EXD3: variants seen among roughly 807,000 people sequenced by gnomAD.
EXD3 encodes exonuclease mut-7 homolog.
A neutral mutation model predicts 98.0 loss-of-function variants in EXD3; 92 were observed. The ratio of observed to expected loss-of-function variants is 0.94; its 90% CI spans 0.79 to 1.12. EXD3 has a LOEUF of 1.12. EXD3 is among the 50% of genes most tolerant of loss of function. The probability of loss-of-function intolerance (pLI) is 0.00; values close to 1 mark genes in which losing one functional copy is unlikely to be tolerated. For missense variants in EXD3, 1,222 were observed against 1,191.6 expected, an observed-to-expected ratio of 1.03 and a Z score of -0.38; for synonymous variants, 569 against 526.0, an observed-to-expected ratio of 1.08 and a Z score of -1.12.
chr9:137,366,941 C>T (rs1169830073), intron 6 of EXD3, among the ~76,000 whole-genome samples: 5 of 152,216 alleles, frequency 3.3e-5, no homozygotes, highest in East Asian at 1.9e-4. Flanking sequence ...TGGCAGTAGC[C>T]CTGGTAGTCC....
intron 2 of EXD3, among the ~76,000 whole-genome samples, chr9:137,391,252 T>C (rs1293562921): frequency 2.0e-5 from 3 of 152,138 alleles, no homozygotes; most frequent in African/African-American, 7.2e-5. Context: ...TCACGGAGCT[T>C]CGTAGGAAAA....
At chr9:137,319,027 G>A (rs1831877115) in intron 19 of EXD3, among the ~76,000 whole-genome samples, 1 of 152,252 alleles carries the variant, frequency 6.6e-6, no homozygotes, top group African/African-American at 2.4e-5. Flanking sequence ...AGAAGAAAAT[G>A]GAAAGTCAGC....
chr9:137,317,059 G>T (rs1831711347), intron 19 of EXD3, among the ~76,000 whole-genome samples: 1 of 152,124 alleles, frequency 6.6e-6, no homozygotes, highest in African/African-American at 2.4e-5. Context: ...GGGCGGCCCA[G>T]GTCATTCTCT....
intron 5 of EXD3, among the ~76,000 whole-genome samples, chr9:137,368,752 G>C (rs1174120182): frequency 4.0e-5 from 6 of 150,526 alleles, no homozygotes; most frequent in Non-Finnish European, 7.4e-5. Flanking sequence ...GCGCAGGGCC[G>C]GGGGCCTTTC....
chr9:137,418,656 GAA>G (rs1838356845), intron 1 of EXD3, among the ~76,000 whole-genome samples: 9 of 152,022 alleles, frequency 5.9e-5, no homozygotes, highest in Admixed American at 5.2e-4. Context: ...AAATATAAGA[GAA>G]ACAATTCTGT....
chr9:137,399,808 C>T (rs547293318), intron 1 of EXD3, among the ~76,000 whole-genome samples: 19 of 152,110 alleles, frequency 1.2e-4, no homozygotes, highest in East Asian at 3.9e-4. Flanking sequence ...GAGGCTGAGG[C>T]GGGCAGTTCA....
At chr9:137,338,729 A>C (rs1833494513) in intron 17 of EXD3, among the ~76,000 whole-genome samples, 1 of 147,590 alleles carries the variant, frequency 6.8e-6, no homozygotes, top group Non-Finnish European at 1.5e-5. Context: ...TACTAAAAAT[A>C]CAAAAAAAAA....
At chr9:137,376,516 C>G (rs548175472) in intron 3 of EXD3, among the ~76,000 whole-genome samples, 5 of 152,088 alleles carry the variant, frequency 3.3e-5, no homozygotes, top group South Asian at 2.1e-4. Flanking sequence ...CAAAGTGTGC[C>G]TGCTGGAGTT....
intron 1 of EXD3, among the ~76,000 whole-genome samples, chr9:137,418,299 G>A (rs1253973935): frequency 1.3e-5 from 2 of 152,174 alleles, no homozygotes; most frequent in Non-Finnish European, 2.9e-5. Flanking sequence ...AGTGAGAGCC[G>A]AGACTGCGCC....
In EXD3 at chr9:137,348,151, C is replaced by T. The variant is rs767343485; in HGVS notation, c.1918G>A (p.Gly640Arg). The T allele has an allele frequency of 1.2e-6, 2 of 1,612,194 alleles. No homozygotes were observed. Among genetic ancestry groups the T allele is most frequent in the Non-Finnish European group, 1.7e-6 (2 of 1,179,724 alleles). The change falls in exon 17 of 22, where the codon GGG becomes AGG. Residue 640 changes from glycine to arginine, a missense_variant. Coordinates refer to ENST00000340951, the MANE Select transcript of EXD3 (RefSeq NM_017820.5). ...AGACAGCGGAGGCTCCGTGCCAGCC[C>T]CTGCAGCATGTTGTCACACACCACA... ...FRVVCDNMLQGLARSLRCLGV... is the reference protein window; with the variant it reads ...FRVVCDNMLQRLARSLRCLGV...
rs188963209 is a variant in EXD3 at position 137,332,615 on chromosome 9, G to A, written c.1999-8472C>T. On this transcript the variant is annotated intron_variant, in intron 17 of 21. Coordinates refer to ENST00000340951, the MANE Select transcript of EXD3 (RefSeq NM_017820.5). Reference sequence around the variant, plus strand: ...TCCCAGCACTTTGGGAGGCCAAGGCGGGCAGATCACAAGGTCAGGAGATCG... The same window carrying A: ...TCCCAGCACTTTGGGAGGCCAAGGCAGGCAGATCACAAGGTCAGGAGATCG... Among the ~76,000 whole-genome samples the A allele has an allele frequency of 2.2e-3, 321 of 147,784 alleles. 1 individual carries two copies. Among genetic ancestry groups the A allele is most frequent in the African/African-American group, 6.6e-3 (263 of 40,080 alleles).
In EXD3 at chr9:137,349,314, A is replaced by G; in HGVS notation, c.1658-32T>C. The G allele has an allele frequency of 6.4e-7, 1 of 1,552,438 alleles. No homozygotes were observed. The highest frequency in any genetic ancestry group is 8.7e-7 in the Non-Finnish European group (1 of 1,154,380). Reference sequence around the variant, plus strand: ...GGGGAGTCGGCCTCAGCCTCCCGGGACAGAGGGCGGGAGGGGCGTGAGGAG... The same window carrying G: ...GGGGAGTCGGCCTCAGCCTCCCGGGGCAGAGGGCGGGAGGGGCGTGAGGAG... On this transcript the variant is annotated intron_variant, in intron 15 of 21. Transcript: ENST00000340951. The surrounding 1 kb of genome is among the most constrained non-coding windows in gnomAD (Gnocchi z 7.4).
At position 137,346,810 on chromosome 9, in the gene EXD3, C is replaced by T. The variant is rs2119203685; in HGVS notation, c.1998+1261G>A. Among the ~76,000 whole-genome samples the T allele has an allele frequency of 2.0e-5, 3 of 152,142 alleles. 1 individual carries two copies. The Middle Eastern group carries it at 0.01, about 517-fold the overall frequency. The stretch of plus-strand genomic sequence containing the variant: ...ACCCCACTCCTGGTACCACAATCCA[C>T]ATTCTTTTTTTCTATTGTTTTGAGA... On this transcript the variant is annotated intron_variant, in intron 17 of 21. Coordinates refer to ENST00000340951, the MANE Select transcript of EXD3 (RefSeq NM_017820.5).
At chr9:137,381,981 G>A (rs7389375) in intron 3 of EXD3, among the ~76,000 whole-genome samples, 9,534 of 151,166 alleles carry the variant, frequency 0.063, 613 homozygotes, top group Admixed American at 0.21. Context: ...GTGGGAGCAC[G>A]CAGAGGAGGT....
At chr9:137,422,620 C>T (rs1350774373) in intron 1 of EXD3, among the ~76,000 whole-genome samples, 1 of 152,236 alleles carries the variant, frequency 6.6e-6, no homozygotes, top group Non-Finnish European at 1.5e-5. Flanking sequence ...CACCGGGCAC[C>T]ACATTCTGAC....
intron 20 of EXD3, among the ~76,000 whole-genome samples, chr9:137,309,391 C>G (rs1011074808): frequency 5.3e-5 from 8 of 152,202 alleles, no homozygotes; most frequent in Non-Finnish European, 1.0e-4. Flanking sequence ...TGCTACCACA[C>G]AGAAGGGAGC....
In EXD3 at chr9:137,324,019, G is replaced by T; in HGVS notation, c.2052+71C>A. ...CCACGGCAAGCTGACCCTGAGGTGG[G>T]GGTGGCCGAGGGGCTGGGGGCTTGG... On this transcript the variant is annotated intron_variant, in intron 18 of 21. Coordinates refer to ENST00000340951, the MANE Select transcript of EXD3 (RefSeq NM_017820.5). The surrounding 1 kb of genome is among the most constrained non-coding windows in gnomAD (Gnocchi z 4.1). 1 of 1,538,560 alleles carries T rather than the reference G, an allele frequency of 6.5e-7. No homozygotes were observed. Among genetic ancestry groups the T allele is most frequent in the East Asian group, 2.4e-5 (1 of 41,052 alleles).
intron 19 of EXD3, among the ~76,000 whole-genome samples, chr9:137,311,666 C>G (rs1831368760): frequency 6.6e-6 from 1 of 152,156 alleles, no homozygotes; most frequent in African/African-American, 2.4e-5. Flanking sequence ...TGCTGTCACC[C>G]ACAAGGCCCT....
intron 2 of EXD3, among the ~76,000 whole-genome samples, chr9:137,389,301 G>A (rs558109890): frequency 1.8e-4 from 27 of 151,184 alleles, no homozygotes; most frequent in Middle Eastern, 6.8e-3. Context: ...GGAGTGAGGT[G>A]AAGGGGCTCC....
Sources: gnomAD v4.1 joint callset for allele counts (sites outside exome capture counted in the v4.1 genomes callset) on GRCh38, gnomAD v4.1.1 for gene constraint, Gnocchi (gnomAD v3.1) non-coding constraint, MANE v1.5 for transcripts, NCBI Gene and HGNC (gene_info 2026-07-23, HGNC 2026-07-21) for gene names.